The following AUTS2 variants were observed in gnomAD, a reference collection of about 807,000 sequenced individuals.
AUTS2 encodes activator of transcription and developmental regulator AUTS2.
AUTS2 carries 17 observed loss-of-function variants against 112.4 expected under a neutral mutation model. The observed-to-expected ratio is 0.15, with a 90% CI of 0.10 to 0.23. AUTS2 has a LOEUF of 0.23. Ranked by LOEUF, AUTS2 falls within the 10% of genes least tolerant of loss-of-function variation. AUTS2 has a pLI of 1.00. For missense variants in AUTS2, 1,510 were observed against 1,701.6 expected, an observed-to-expected ratio of 0.89 and a Z score of 1.98; for synonymous variants, 751 against 702.7, an observed-to-expected ratio of 1.07 and a Z score of -1.09.
At chr7:70,526,291 G>A (rs945555376) in intron 5 of AUTS2, among the ~76,000 whole-genome samples, 1 of 152,158 alleles carries the variant, frequency 6.6e-6, no homozygotes, top group Non-Finnish European at 1.5e-5. Flanking sequence ...GACACCGCAC[G>A]CTCTGCTGAC....
intron 15 of AUTS2, chr7:70,784,551 C>G (rs1791304219): frequency 5.6e-6 from 1 of 177,230 alleles, no homozygotes; most frequent in Non-Finnish European, 1.2e-5. Flanking sequence ...AAGAAACTTG[C>G]TTAGCTTTTT....
At chr7:69,989,250 G>A (rs1798640416) in intron 2 of AUTS2, among the ~76,000 whole-genome samples, 1 of 152,166 alleles carries the variant, frequency 6.6e-6, no homozygotes, top group Non-Finnish European at 1.5e-5. Context: ...CCCATCTTAT[G>A]TGTGGCTTAT....
intron 14 of AUTS2, among the ~76,000 whole-genome samples, chr7:70,779,365 T>C (rs942766615): frequency 6.6e-6 from 1 of 152,222 alleles, no homozygotes. Flanking sequence ...GGTTCCTTAC[T>C]GTGGCGGGCT....
At chr7:69,826,907 C>T (rs1791273753) in intron 1 of AUTS2, among the ~76,000 whole-genome samples, 1 of 152,104 alleles carries the variant, frequency 6.6e-6, no homozygotes, top group Non-Finnish European at 1.5e-5. Context: ...TCTACCTTTA[C>T]TTCCATCTCA....
intron 2 of AUTS2, among the ~76,000 whole-genome samples, chr7:70,116,337 T>G (rs1362561038): frequency 6.6e-6 from 1 of 152,162 alleles, no homozygotes; most frequent in East Asian, 1.9e-4. Context: ...TTTGGAGACT[T>G]GGGGAAAGCT....
chr7:70,492,982 C>T (rs1385036084), intron 5 of AUTS2, among the ~76,000 whole-genome samples: 1 of 152,160 alleles, frequency 6.6e-6, no homozygotes, highest in Non-Finnish European at 1.5e-5. Flanking sequence ...CCCGTAAACC[C>T]CCTTTCCCAC....
At chr7:69,931,106 T>G (rs908048368) in intron 2 of AUTS2, among the ~76,000 whole-genome samples, 3 of 100,394 alleles carry the variant, frequency 3.0e-5, no homozygotes, top group African/African-American at 1.2e-4. Context: ...TACTGCATTT[T>G]GGATTTACAC....
intron 2 of AUTS2, among the ~76,000 whole-genome samples, chr7:70,104,176 CTTT>C (rs11294643): frequency 7.7e-5 from 11 of 142,090 alleles, no homozygotes; most frequent in African/African-American, 5.2e-5. Context: ...ATATATACAC[CTTT>C]TTTTTTTTTT....
At chr7:69,679,890 T>G (rs1048751097) in intron 1 of AUTS2, among the ~76,000 whole-genome samples, 2 of 152,236 alleles carry the variant, frequency 1.3e-5, no homozygotes, top group African/African-American at 4.8e-5. Flanking sequence ...AGAAAATTTT[T>G]TTTTAACTTT....
intron 2 of AUTS2, among the ~76,000 whole-genome samples, chr7:69,997,677 C>T (rs1338755887): frequency 6.6e-6 from 1 of 152,080 alleles, no homozygotes; most frequent in African/African-American, 2.4e-5. Context: ...TTTAAACAAC[C>T]AGCTCTCACG....
intron 4 of AUTS2, among the ~76,000 whole-genome samples, chr7:70,170,409 T>A (rs1393552418): frequency 2.6e-5 from 4 of 151,980 alleles, no homozygotes; most frequent in African/African-American, 9.7e-5. Flanking sequence ...GCCTTGGCCT[T>A]CCTGGTGGGA....
intron 1 of AUTS2, among the ~76,000 whole-genome samples, chr7:69,768,542 C>G (rs1332033220): frequency 6.6e-6 from 1 of 152,172 alleles, no homozygotes; most frequent in Non-Finnish European, 1.5e-5. Flanking sequence ...TTAACACATG[C>G]AGCTCTGGAC....
chr7:70,488,230 GAGTGCTGGGCACC>G (rs1264124912), intron 5 of AUTS2, among the ~76,000 whole-genome samples: 2 of 152,218 alleles, frequency 1.3e-5, no homozygotes, highest in Non-Finnish European at 2.9e-5. Flanking sequence ...CTAAGCTGAG[GAGTGCTGGGCACC>G]AGTGTGGCTA....
In AUTS2 at chr7:69,751,373, A is replaced by AT. The variant is rs111876763; in HGVS notation, c.310-147903dup. 5.5e-4 allele frequency among the ~76,000 whole-genome samples: 83 copies of AT among 150,042 alleles called. 4 individuals are homozygous for AT. The highest frequency in any genetic ancestry group is 1.5e-3 in the African/African-American group (62 of 40,998). On this transcript the variant is annotated intron_variant, in intron 1 of 18. Coordinates refer to ENST00000342771, the MANE Select transcript of AUTS2 (RefSeq NM_015570.4). ...ATGACCTAAATATTCTGTTCAAAAT[A>AT]TTTTTTTTTTGGTCTATTGCTAATA...
At chr7:70,299,258 AT>A (rs1317628626) in intron 4 of AUTS2, among the ~76,000 whole-genome samples, 2 of 152,158 alleles carry the variant, frequency 1.3e-5, no homozygotes, top group Non-Finnish European at 2.9e-5. Flanking sequence ...TCTTTGGGAC[AT>A]TTAGGTCATC....
chr7:70,446,599 G>A (rs1407539422), intron 5 of AUTS2, among the ~76,000 whole-genome samples: 1 of 152,182 alleles, frequency 6.6e-6, no homozygotes, highest in Non-Finnish European at 1.5e-5. Flanking sequence ...TGTCAGCTCG[G>A]GTTAGGAGGC....
intron 5 of AUTS2, among the ~76,000 whole-genome samples, chr7:70,485,071 T>C (rs1797932667): frequency 6.6e-6 from 1 of 152,224 alleles, no homozygotes; most frequent in Admixed American, 6.5e-5. Flanking sequence ...GAAAACAGTA[T>C]GGAGATTCCT....
chr7:70,559,439 A>T (rs903097869), intron 5 of AUTS2, among the ~76,000 whole-genome samples: 1 of 151,512 alleles, frequency 6.6e-6, no homozygotes, highest in Non-Finnish European at 1.5e-5. Context: ...GGTTCAAGCA[A>T]TTCTCCTGTC....
chr7:70,622,632 A>T (rs1804741173), intron 5 of AUTS2, among the ~76,000 whole-genome samples: 2 of 152,220 alleles, frequency 1.3e-5, no homozygotes, highest in South Asian at 4.1e-4. Context: ...TATAAGACTT[A>T]AAAAAGGCTT....
Sources: allele counts gnomAD v4.1 joint callset (sites outside exome capture counted in the v4.1 genomes callset), GRCh38; gene constraint gnomAD v4.1.1; transcripts MANE v1.5; gene names NCBI Gene and HGNC (gene_info 2026-07-23, HGNC 2026-07-21).